Variants in PCDH9 observed in about 807,000 individuals in gnomAD.
PCDH9 encodes the protein protocadherin-9.
PCDH9 carries 24 observed loss-of-function variants against 70.6 expected under a neutral mutation model. That is an observed-to-expected ratio of 0.34 (90% CI 0.25 to 0.48). The LOEUF is 0.48. Among genes scored for constraint, PCDH9 ranks in the 20% least tolerant of loss-of-function variants. PCDH9 has a pLI of 0.99. For synonymous variants in PCDH9, 562 were observed against 558.5 expected, an observed-to-expected ratio of 1.01 and a Z score of -0.09; for missense variants, 1,281 against 1,503.6, an observed-to-expected ratio of 0.85 and a Z score of 2.45.
chr13:66,744,767 C>T (rs4884695), intron 3 of PCDH9, among the ~76,000 whole-genome samples: 147,371 of 152,240 alleles, frequency 0.97, 71,509 homozygotes, highest in East Asian at 1. Flanking sequence ...AAAGGAAATA[C>T]GGTTTCTGGT....
At chr13:66,864,441 G>T (rs541370078) in intron 3 of PCDH9, among the ~76,000 whole-genome samples, 1 of 152,202 alleles carries the variant, frequency 6.6e-6, no homozygotes, top group South Asian at 2.1e-4. Context: ...TCTAAAATCT[G>T]CATAGGCTTC....
chr13:66,980,336 G>A (rs2083717161), intron 2 of PCDH9, among the ~76,000 whole-genome samples: 1 of 152,020 alleles, frequency 6.6e-6, no homozygotes, highest in South Asian at 2.1e-4. Flanking sequence ...CCAAGTCTAA[G>A]TCCATTTCCC....
At chr13:66,976,992 C>G (rs2083633153) in intron 2 of PCDH9, among the ~76,000 whole-genome samples, 1 of 151,836 alleles carries the variant, frequency 6.6e-6, no homozygotes, top group African/African-American at 2.4e-5. Flanking sequence ...AAAAGCAGAC[C>G]ACTGCTCTGC....
In PCDH9 at chr13:67,227,369, T is replaced by C. The variant is rs934051000; in HGVS notation, c.1072A>G (p.Ile358Val). The C allele has an allele frequency of 2.5e-6, 4 of 1,613,940 alleles. No individual in the cohort carries two copies. The highest frequency in any genetic ancestry group is 1.7e-5 in the Admixed American group (1 of 60,006). The stretch of plus-strand genomic sequence containing the variant: ...GGACTTATAATGTACCTGAGGTCTA[T>C]ATTAGGAGGGTTATCATTTACATCG... The part of the protein sequence containing the change: ...VTDVNDNPPN[I>V]DLRYIISPIN... The change falls in exon 2 of 5, where the codon ATA becomes GTA. Residue 358 changes from isoleucine to valine, a missense_variant. By Grantham distance (29) the Ile-to-Val change is conservative (BLOSUM62 3). Around this residue, in one of 4 missense-constraint regions of PCDH9, gnomAD observed 798 missense variants for 1,003.1 expected, o/e 0.80. Transcript: ENST00000377865. The surrounding 1 kb of genome is among the most constrained non-coding windows in gnomAD (Gnocchi z 4.6).
chr13:66,868,168 T>G (rs1301732960), intron 3 of PCDH9, among the ~76,000 whole-genome samples: 3 of 152,010 alleles, frequency 2.0e-5, no homozygotes, highest in African/African-American at 7.2e-5. Context: ...TTCCTGAAAC[T>G]GCTGCTAAAA....
In PCDH9 at chr13:67,144,091, C is replaced by G. The variant is rs530502300; in HGVS notation, c.3036+81314G>C. On this transcript the variant is annotated intron_variant, in intron 2 of 4. Transcript: ENST00000377865. ...CAAAAAGGTATATTTGGAGAGCTTT[C>G]TAATATCAAAATGTGTGAAGAGGAA... Among the ~76,000 whole-genome samples, 3 of 152,236 alleles carry G rather than the reference C, an allele frequency of 2.0e-5. No individual in the cohort carries two copies. The East Asian group carries it at 5.8e-4, about 29-fold the overall frequency.
rs371797077 is a variant in PCDH9 at position 67,199,326 on chromosome 13, A to G, written c.3036+26079T>C. 1.9e-4 allele frequency among the ~76,000 whole-genome samples: 29 copies of G among 151,870 alleles called. No individual in the cohort carries two copies. The South Asian group carries it at 5.8e-3, about 30-fold the overall frequency. ...TAAATTAGTTTTTTTTTATAAAAATATGCTGTTTAAAGGTTAGTCATAATT... is the reference window on the plus strand; with the variant it reads ...TAAATTAGTTTTTTTTTATAAAAATGTGCTGTTTAAAGGTTAGTCATAATT... On this transcript the variant is annotated intron_variant, in intron 2 of 4. Transcript: ENST00000377865.
intron 2 of PCDH9, among the ~76,000 whole-genome samples, chr13:67,057,085 G>T (rs117871122): frequency 0.013 from 2,001 of 152,060 alleles, 18 homozygotes; most frequent in Middle Eastern, 0.054. Flanking sequence ...ACCATTTCTG[G>T]TTAAAGATTG....
At chr13:66,880,433 A>G (rs537528918) in intron 3 of PCDH9, among the ~76,000 whole-genome samples, 2 of 152,348 alleles carry the variant, frequency 1.3e-5, no homozygotes, top group South Asian at 2.1e-4. Flanking sequence ...GTCTATTCTT[A>G]GTAATTAAAA....
At chr13:66,789,912 TTCTG>T (rs2080137696) in intron 3 of PCDH9, among the ~76,000 whole-genome samples, 1 of 152,126 alleles carries the variant, frequency 6.6e-6, no homozygotes, top group Non-Finnish European at 1.5e-5. Flanking sequence ...CAGCAAAAAA[TTCTG>T]TCTATTTGAG....
chr13:66,832,845 C>T (rs1373535658), intron 3 of PCDH9, among the ~76,000 whole-genome samples: 3 of 152,058 alleles, frequency 2.0e-5, no homozygotes, highest in Admixed American at 6.5e-5. Context: ...CACTATGATA[C>T]GATACCAGTT....
chr13:67,079,796 G>T (rs1042117920), intron 2 of PCDH9, among the ~76,000 whole-genome samples: 2 of 152,074 alleles, frequency 1.3e-5, no homozygotes, highest in Non-Finnish European at 2.9e-5. Context: ...CTCTCTGAAG[G>T]CTGTCACCTA....
At chr13:66,892,075 C>G (rs2082104771) in intron 3 of PCDH9, among the ~76,000 whole-genome samples, 1 of 151,056 alleles carries the variant, frequency 6.6e-6, no homozygotes, top group Non-Finnish European at 1.5e-5. Context: ...TTTTTTTCCT[C>G]TCCTCTGATA....
intron 2 of PCDH9, among the ~76,000 whole-genome samples, chr13:67,114,625 T>TA (rs2086724316): frequency 6.6e-6 from 1 of 152,192 alleles, no homozygotes; most frequent in African/African-American, 2.4e-5. Context: ...CTGATGTGTG[T>TA]AAAATTTCAA....
chr13:66,840,722 G>C (rs1054079045), intron 3 of PCDH9, among the ~76,000 whole-genome samples: 22 of 152,194 alleles, frequency 1.4e-4, no homozygotes, highest in Non-Finnish European at 2.9e-4. Context: ...ATGCTACATT[G>C]AGTATTTCTG....
chr13:66,760,993 A>G (rs2079618538), intron 3 of PCDH9, among the ~76,000 whole-genome samples: 1 of 152,134 alleles, frequency 6.6e-6, no homozygotes, highest in Non-Finnish European at 1.5e-5. Context: ...TAAGATGTTT[A>G]TCAATGACAA....
At chr13:66,545,932 G>A (rs1263103740) in intron 4 of PCDH9, among the ~76,000 whole-genome samples, 3 of 151,146 alleles carry the variant, frequency 2.0e-5, no homozygotes, top group Admixed American at 6.6e-5. Context: ...TCCACTTCCC[G>A]GGTTCATGCC....
rs1023864955 is a variant in PCDH9 at position 66,322,995 on chromosome 13, C to A, written c.3341-17967G>T. 3.9e-5 allele frequency among the ~76,000 whole-genome samples: 6 copies of A among 151,920 alleles called. No homozygotes were observed. In the East Asian group the frequency reaches 1.2e-3, roughly 29 times the overall value. ...ATGTTATATGTTTCCATTTTTAAAG[C>A]AAAAATATAGTTTTAACAGAACTAT... On this transcript the variant is annotated intron_variant, in intron 4 of 4. Coordinates refer to ENST00000377865, the MANE Select transcript of PCDH9 (RefSeq NM_203487.3).
At chr13:66,518,460 A>T (rs760901881) in intron 4 of PCDH9, among the ~76,000 whole-genome samples, 3 of 152,150 alleles carry the variant, frequency 2.0e-5, no homozygotes, top group Non-Finnish European at 4.4e-5. Context: ...CAAAAGTGAA[A>T]TTTAGAAATA....
Sources: gnomAD v4.1 joint callset for allele counts (sites outside exome capture counted in the v4.1 genomes callset) on GRCh38, gnomAD v4.1.1 for gene constraint, gnomAD v4.1.1 regional missense constraint, Gnocchi (gnomAD v3.1) non-coding constraint, MANE v1.5 for transcripts, NCBI Gene and HGNC (gene_info 2026-07-23, HGNC 2026-07-21) for gene names.